The following INPP4B variants were observed in gnomAD, a reference collection of about 807,000 sequenced individuals.
INPP4B encodes the protein inositol polyphosphate 4-phosphatase type II.
INPP4B carries 55 observed loss-of-function variants against 122.5 expected under a neutral mutation model. The ratio of observed to expected loss-of-function variants is 0.45; its 90% CI spans 0.36 to 0.56. INPP4B has a LOEUF of 0.56. INPP4B is among the 20% of genes least tolerant of loss of function. The pLI is 0.00. For missense variants in INPP4B, 1,000 were observed against 1,097.7 expected (o/e 0.91, Z 1.26); for synonymous variants, 403 against 388.7 (o/e 1.04, Z -0.43).
chr4:142,547,780 C>G (rs1330089978), intron 2 of INPP4B, among the ~76,000 whole-genome samples: 1 of 152,062 alleles, frequency 6.6e-6, no homozygotes, highest in Admixed American at 6.6e-5. Flanking sequence ...TTATTGTATT[C>G]TATTTTCTTA....
intron 9 of INPP4B, among the ~76,000 whole-genome samples, chr4:142,271,005 C>G (rs1034452805): frequency 2.7e-5 from 4 of 150,846 alleles, no homozygotes; most frequent in African/African-American, 9.8e-5. Context: ...CTCTTGTTGC[C>G]CAGGCTGGAG....
chr4:142,704,655 C>T (rs1172878335), intron 2 of INPP4B, among the ~76,000 whole-genome samples: 1 of 152,192 alleles, frequency 6.6e-6, no homozygotes, highest in African/African-American at 2.4e-5. Context: ...AGATCGCTAT[C>T]ATTTGCATAT....
chr4:142,839,720 T>G (rs1159261847), intron 1 of INPP4B, among the ~76,000 whole-genome samples: 1 of 152,206 alleles, frequency 6.6e-6, no homozygotes, highest in African/African-American at 2.4e-5. Context: ...GAAATGAGAA[T>G]GGCCACAATT....
intron 2 of INPP4B, among the ~76,000 whole-genome samples, chr4:142,555,020 G>A (rs1009497026): frequency 1.3e-5 from 2 of 152,140 alleles, no homozygotes; most frequent in Non-Finnish European, 1.5e-5. Context: ...GATGGCAAGC[G>A]ATCAGGATTT....
intron 23 of INPP4B, among the ~76,000 whole-genome samples, chr4:142,094,195 C>A (rs1165691598): frequency 6.6e-6 from 1 of 152,148 alleles, no homozygotes. Flanking sequence ...AGTTCAAGCA[C>A]AGACGATAGA....
At chr4:142,098,462 G>A (rs550271632) in intron 23 of INPP4B, among the ~76,000 whole-genome samples, 5 of 152,202 alleles carry the variant, frequency 3.3e-5, no homozygotes, top group Admixed American at 6.5e-5. Flanking sequence ...TAGTGGATAC[G>A]AATGGACTAA....
chr4:142,747,416 G>C (rs1197224267), intron 1 of INPP4B, among the ~76,000 whole-genome samples: 1 of 152,180 alleles, frequency 6.6e-6, no homozygotes, highest in Non-Finnish European at 1.5e-5. Context: ...CTTTTACGCT[G>C]TTGGTGGGAG....
At chr4:142,512,601 T>C (rs948255267) in intron 2 of INPP4B, among the ~76,000 whole-genome samples, 3 of 152,208 alleles carry the variant, frequency 2.0e-5, no homozygotes, top group Admixed American at 2.0e-4. Flanking sequence ...ACGATTCTTA[T>C]ATCCCCACCT....
At chr4:142,151,391 A>C (rs552287855) in intron 17 of INPP4B, among the ~76,000 whole-genome samples, 1 of 152,182 alleles carries the variant, frequency 6.6e-6, no homozygotes, top group South Asian at 2.1e-4. Flanking sequence ...TTTGCTTCCT[A>C]TTGGTCCTCC....
chr4:142,723,865 T>C (rs924642141), intron 2 of INPP4B, among the ~76,000 whole-genome samples: 6 of 152,148 alleles, frequency 3.9e-5, no homozygotes, highest in African/African-American at 7.2e-5. Flanking sequence ...TTTTACGAGA[T>C]TGCAAACACC....
intron 9 of INPP4B, among the ~76,000 whole-genome samples, chr4:142,294,944 G>A (rs1285043052): frequency 6.6e-6 from 1 of 151,676 alleles, no homozygotes; most frequent in Admixed American, 6.6e-5. Context: ...GAGGAAAGAG[G>A]AGTGGTGTGG....
At position 142,078,326 on chromosome 4, in the gene INPP4B, T is replaced by C. The variant is rs1353269971; in HGVS notation, c.2642+3705A>G. The stretch of plus-strand genomic sequence containing the variant: ...TAGAATAATAAGACTCTTACTTTCA[T>C]ATTCTGCAGCTTGTGCTTATCAATA... On this transcript the variant is annotated intron_variant, in intron 25 of 25. Transcript: ENST00000262992. 2.6e-5 allele frequency among the ~76,000 whole-genome samples: 4 copies of C among 152,070 alleles called. No individual in the cohort carries two copies. The South Asian group carries it at 6.2e-4, about 24-fold the overall frequency.
At chr4:142,057,235 C>A (rs564124107) in intron 25 of INPP4B, among the ~76,000 whole-genome samples, 1 of 86,674 alleles carries the variant, frequency 1.2e-5, no homozygotes, top group East Asian at 4.2e-4. Context: ...ATAAATATTC[C>A]ATTTTAATAG....
chr4:142,083,216 T>C (rs1375830302), intron 24 of INPP4B, among the ~76,000 whole-genome samples: 1 of 152,138 alleles, frequency 6.6e-6, no homozygotes, highest in Middle Eastern at 3.2e-3. Context: ...GAGGTTTAGA[T>C]GGGTTAAGTA....
At chr4:142,039,009 A>C (rs2152317783) in intron 25 of INPP4B, among the ~76,000 whole-genome samples, 1 of 152,262 alleles carries the variant, frequency 6.6e-6, no homozygotes, top group East Asian at 1.9e-4. Flanking sequence ...TTCATGATTG[A>C]GATCCCTTAA....
chr4:142,382,492 G>A (rs944156783), intron 7 of INPP4B, among the ~76,000 whole-genome samples: 1 of 150,160 alleles, frequency 6.7e-6, no homozygotes. Context: ...CTGGATGACA[G>A]TGAGACTCCG....
intron 15 of INPP4B, among the ~76,000 whole-genome samples, chr4:142,185,390 G>A (rs1401701125): frequency 4.3e-5 from 6 of 139,242 alleles, no homozygotes; most frequent in African/African-American, 1.5e-4. Flanking sequence ...ATATGTGTAT[G>A]TGTGTGTGTA....
At chr4:142,191,454 C>T (rs1224290200) in intron 15 of INPP4B, among the ~76,000 whole-genome samples, 2 of 152,142 alleles carry the variant, frequency 1.3e-5, no homozygotes, top group Admixed American at 1.3e-4. Context: ...ACCCTTCATC[C>T]CCACTCAGAT....
chr4:142,498,560 G>A (rs1360186472), intron 2 of INPP4B, among the ~76,000 whole-genome samples: 3 of 152,048 alleles, frequency 2.0e-5, no homozygotes, highest in African/African-American at 7.2e-5. Flanking sequence ...AGGTGGAGGT[G>A]GGAGGATTGC....
Sources: gnomAD v4.1 joint callset for allele counts (sites outside exome capture counted in the v4.1 genomes callset) on GRCh38, gnomAD v4.1.1 for gene constraint, MANE v1.5 for transcripts, NCBI Gene and HGNC (gene_info 2026-07-23, HGNC 2026-07-21) for gene names.